The following FGFR2 variants were observed in gnomAD, a reference collection of about 807,000 sequenced individuals.
FGFR2 encodes BEK fibroblast growth factor receptor.
In FGFR2, 19 loss-of-function variants were observed where a neutral mutation model predicts 95.9. That is an observed-to-expected ratio of 0.20 (90% confidence interval 0.14 to 0.29). The LOEUF is 0.29. Among genes scored for constraint, FGFR2 ranks in the 10% least tolerant of loss-of-function variants. The pLI is 1.00. For missense variants in FGFR2, 707 were observed against 1,056.9 expected (o/e 0.67, Z 4.59); for synonymous variants, 392 against 393.3 (o/e 1.00, Z 0.04).
At chr10:121,567,699 G>A (rs140529555) in intron 2 of FGFR2, among the ~76,000 whole-genome samples, 5,186 of 152,326 alleles carry the variant, frequency 0.034, 266 homozygotes, top group African/African-American at 0.11. Flanking sequence ...AGGAGGTGGC[G>A]GATGATGGCC....
At chr10:121,582,338 AATT>A (rs1861074393) in intron 2 of FGFR2, among the ~76,000 whole-genome samples, 2 of 152,170 alleles carry the variant, frequency 1.3e-5, no homozygotes, top group South Asian at 4.1e-4. Flanking sequence ...AGGTCTCAAA[AATT>A]ATTTGGGGAG....
chr10:121,499,472 C>T (rs535945086), intron 11 of FGFR2, among the ~76,000 whole-genome samples: 4 of 152,172 alleles, frequency 2.6e-5, no homozygotes, highest in Non-Finnish European at 4.4e-5. Context: ...GAGGGAGCCA[C>T]GGGCCATGAG....
chr10:121,486,260 A>G (rs1488937750), intron 15 of FGFR2, among the ~76,000 whole-genome samples: 2 of 152,156 alleles, frequency 1.3e-5, no homozygotes, highest in African/African-American at 4.8e-5. Flanking sequence ...TTCACTCCGC[A>G]GTTTTCTACA....
chr10:121,513,628 G>A (rs1156575552), intron 9 of FGFR2, among the ~76,000 whole-genome samples: 1 of 152,012 alleles, frequency 6.6e-6, no homozygotes, highest in Non-Finnish European at 1.5e-5. Flanking sequence ...TCTAGAAACT[G>A]GTTGGCCAAC....
At chr10:121,577,255 C>T (rs1388571486) in intron 2 of FGFR2, among the ~76,000 whole-genome samples, 1 of 133,000 alleles carries the variant, frequency 7.5e-6, no homozygotes, top group Non-Finnish European at 1.6e-5. Context: ...ACTTACAAAT[C>T]GTATGACCTT....
At chr10:121,561,910 T>C (rs1345108096) in intron 4 of FGFR2, among the ~76,000 whole-genome samples, 1 of 152,210 alleles carries the variant, frequency 6.6e-6, no homozygotes, top group East Asian at 1.9e-4. Context: ...CCAAAGAAGA[T>C]ACATGGATGG....
chr10:121,519,922 C>T (rs1850256171), intron 7 of FGFR2, 57 bp downstream of exon 7: 1 of 1,563,864 alleles, frequency 6.4e-7, no homozygotes, highest in South Asian at 1.1e-5. Flanking sequence ...GAACCTGTGG[C>T]CAAACCCATG....
intron 17 of FGFR2, chr10:121,482,298 C>T: frequency 1.2e-6 from 1 of 801,662 alleles, no homozygotes; most frequent in Non-Finnish European, 2.0e-6. Context: ...TGAACCGTTC[C>T]TTTCCTTTCA....
intron 12 of FGFR2, among the ~76,000 whole-genome samples, chr10:121,497,079 C>T (rs1214324704): frequency 7.0e-6 from 1 of 143,304 alleles, no homozygotes; most frequent in Admixed American, 7.1e-5. Context: ...TGTAGTGAGC[C>T]GAGATCACAC....
intron 15 of FGFR2, among the ~76,000 whole-genome samples, chr10:121,486,460 CCAGA>C (rs902342489): frequency 2.6e-5 from 4 of 151,922 alleles, no homozygotes; most frequent in Non-Finnish European, 5.9e-5. Context: ...TTTTTTTTCC[CCAGA>C]CAGAGTCTCG....
intron 5 of FGFR2, among the ~76,000 whole-genome samples, chr10:121,546,507 C>A (rs1854539609): frequency 6.6e-6 from 1 of 152,180 alleles, no homozygotes; most frequent in Non-Finnish European, 1.5e-5. Flanking sequence ...TAATTTGATT[C>A]TTAATCACCT....
At position 121,482,157 on chromosome 10, in the gene FGFR2, T is replaced by G. The variant is rs761461334; in HGVS notation, c.2301+1541A>C. On this transcript the variant is annotated intron_variant, in intron 17 of 17. Transcript: ENST00000358487. ...TGACCAACTTTTCCCAGTTTCTCAA[T>G]GAAGCCATAAACTTTCAGATCTGAT... The G allele has an allele frequency of 6.2e-6, 10 of 1,612,758 alleles. No homozygotes were observed. In the East Asian group the frequency reaches 2.2e-4, roughly 36 times the overall value.
intron 1 of FGFR2, among the ~76,000 whole-genome samples, chr10:121,597,351 G>T (rs1487980682): frequency 6.6e-6 from 1 of 152,240 alleles, no homozygotes; most frequent in Admixed American, 6.5e-5. Context: ...GGTCCAGTTC[G>T]CCCCCTAGCC....
intron 7 of FGFR2, among the ~76,000 whole-genome samples, chr10:121,519,140 A>C (rs539688147): frequency 6.6e-6 from 1 of 152,292 alleles, no homozygotes; most frequent in South Asian, 2.1e-4. Flanking sequence ...ATTGGCTGAA[A>C]GTTCTTAGCT....
At chr10:121,497,939 G>A (rs1173458292) in intron 12 of FGFR2, among the ~76,000 whole-genome samples, 1 of 152,184 alleles carries the variant, frequency 6.6e-6, no homozygotes, top group African/African-American at 2.4e-5. Flanking sequence ...GCGTTTTCAA[G>A]TTTACTAATT....
At chr10:121,511,986 A>T (rs1464319256) in intron 9 of FGFR2, among the ~76,000 whole-genome samples, 2 of 152,218 alleles carry the variant, frequency 1.3e-5, no homozygotes, top group Non-Finnish European at 2.9e-5. Flanking sequence ...TCCTGAAAAG[A>T]GAACAAGGAT....
chr10:121,581,785 AAGC>A (rs1181740821), intron 2 of FGFR2, among the ~76,000 whole-genome samples: 9 of 147,242 alleles, frequency 6.1e-5, no homozygotes, highest in Non-Finnish European at 9.0e-5. Context: ...AAAAAAAAAA[AAGC>A]AGCAGCAGCA....
intron 2 of FGFR2, among the ~76,000 whole-genome samples, chr10:121,588,943 G>A (rs902563145): frequency 6.6e-6 from 1 of 151,722 alleles, no homozygotes; most frequent in Non-Finnish European, 1.5e-5. Flanking sequence ...AAAACCAAAG[G>A]CTAAAATCAT....
At chr10:121,501,161 T>C (rs961205624) in intron 10 of FGFR2, among the ~76,000 whole-genome samples, 1 of 152,232 alleles carries the variant, frequency 6.6e-6, no homozygotes, top group Admixed American at 6.5e-5. Context: ...GCTATTAAAT[T>C]TCACATTGGT....
Sources: gnomAD v4.1 joint callset for allele counts (sites outside exome capture counted in the v4.1 genomes callset) on GRCh38, gnomAD v4.1.1 for gene constraint, MANE v1.5 for transcripts, NCBI Gene and HGNC (gene_info 2026-07-23, HGNC 2026-07-21) for gene names.